Variants in CAST observed in about 807,000 individuals in gnomAD.
CAST encodes the protein calpastatin.
In CAST, 76 loss-of-function variants were observed where a neutral mutation model predicts 119.6. The ratio of observed to expected loss-of-function variants is 0.64; its 90% CI spans 0.53 to 0.77. The LOEUF (loss-of-function observed/expected upper bound fraction) is 0.77, where lower values mean the gene tolerates loss of function less well. Among genes scored for constraint, CAST ranks in the 30% least tolerant of loss-of-function variants. The probability of loss-of-function intolerance (pLI) is 0.00; values close to 1 mark genes in which losing one functional copy is unlikely to be tolerated. For synonymous variants in CAST, 319 were observed against 331.6 expected (o/e 0.96, Z 0.41); for missense variants, 953 against 946.5 (o/e 1.01, Z -0.09).
chr5:96,608,561 G>A (rs1002144285), intron 1 of CAST, among the ~76,000 whole-genome samples: 3 of 151,638 alleles, frequency 2.0e-5, no homozygotes, highest in South Asian at 2.1e-4. Flanking sequence ...TGAAGAGAAA[G>A]TTCTCATGCA....
intron 2 of CAST, among the ~76,000 whole-genome samples, chr5:96,694,800 A>C (rs1034570395): frequency 6.6e-6 from 1 of 152,186 alleles, no homozygotes; most frequent in Non-Finnish European, 1.5e-5. Context: ...TCTCAATTAA[A>C]ATAGTTACAT....
the CAST span, among the ~76,000 whole-genome samples, chr5:96,052,714 G>C: frequency 6.6e-6 from 1 of 152,182 alleles, no homozygotes; most frequent in Non-Finnish European, 1.5e-5. Context: ...ACATATTTCT[G>C]TTCCATTATT....
At chr5:96,618,869 G>T (rs1361644718) in intron 1 of CAST, among the ~76,000 whole-genome samples, 3 of 152,244 alleles carry the variant, frequency 2.0e-5, no homozygotes, top group African/African-American at 7.2e-5. Flanking sequence ...GGACTGGCAG[G>T]CAGCTCTGCC....
At chr5:96,079,368 C>G in the CAST span, among the ~76,000 whole-genome samples, 47 of 152,110 alleles carry the variant, frequency 3.1e-4, no homozygotes, top group Non-Finnish European at 6.3e-4. Context: ...GAAGGCTAGT[C>G]TTTTTAAAGA....
chr5:96,537,794 C>CCAGT (rs1398226333), intron 1 of CAST, among the ~76,000 whole-genome samples: 1 of 152,134 alleles, frequency 6.6e-6, no homozygotes, highest in Non-Finnish European at 1.5e-5. Flanking sequence ...TTTCCCAAGA[C>CCAGT]CAGTCTCAGC....
chr5:96,528,784 T>A (rs577734094), upstream of CAST, among the ~76,000 whole-genome samples: 5 of 152,378 alleles, frequency 3.3e-5, no homozygotes, highest in South Asian at 1.0e-3. Flanking sequence ...TACCAGGAGA[T>A]AATAGAAGGC....
the CAST span, among the ~76,000 whole-genome samples, chr5:96,320,518 G>A: frequency 1.3e-5 from 2 of 152,106 alleles, no homozygotes; most frequent in East Asian, 1.9e-4. Context: ...GATTACAGGC[G>A]TGAGTCACCG....
the CAST span, among the ~76,000 whole-genome samples, chr5:96,289,578 C>T: frequency 6.6e-6 from 1 of 152,156 alleles, no homozygotes; most frequent in African/African-American, 2.4e-5. Context: ...TCCTCCTTGC[C>T]TTCTGCCATG....
chr5:96,215,732 G>A, the CAST span, among the ~76,000 whole-genome samples: 15 of 152,208 alleles, frequency 9.9e-5, no homozygotes, highest in African/African-American at 3.1e-4. Context: ...GCATGAAGAT[G>A]ATGAGGATGA....
the CAST span, among the ~76,000 whole-genome samples, chr5:96,277,367 GT>G: frequency 6.6e-6 from 1 of 150,680 alleles, no homozygotes; most frequent in East Asian, 1.9e-4. Flanking sequence ...TTTTATATTG[GT>G]TTTTTTTTCC....
chr5:96,202,308 C>G, the CAST span, among the ~76,000 whole-genome samples: 1 of 151,640 alleles, frequency 6.6e-6, no homozygotes, highest in Non-Finnish European at 1.5e-5. Flanking sequence ...CATATTTATC[C>G]CAGTAGCATT....
the CAST span, among the ~76,000 whole-genome samples, chr5:96,456,305 G>T: frequency 6.6e-6 from 1 of 152,072 alleles, no homozygotes; most frequent in African/African-American, 2.4e-5. Context: ...AACTTTGTAG[G>T]GGCCAATATT....
the CAST span, among the ~76,000 whole-genome samples, chr5:96,270,826 A>G: frequency 6.6e-6 from 1 of 152,162 alleles, no homozygotes; most frequent in African/African-American, 2.4e-5. Flanking sequence ...TTACCTATGT[A>G]ACAAACCTGC....
At chr5:96,229,847 A>T in the CAST span, among the ~76,000 whole-genome samples, 1 of 152,158 alleles carries the variant, frequency 6.6e-6, no homozygotes, top group African/African-American at 2.4e-5. Flanking sequence ...TTATTTGATG[A>T]AGTTACTTTG....
At chr5:96,401,053 A>G in the CAST span, among the ~76,000 whole-genome samples, 2 of 137,460 alleles carry the variant, frequency 1.5e-5, no homozygotes, top group Non-Finnish European at 3.0e-5. Flanking sequence ...TGCCACTGCA[A>G]TCCGGCCTGG....
At chr5:96,524,951 C>T (rs1745575161), upstream of CAST, among the ~76,000 whole-genome samples, 1 of 152,176 alleles carries the variant, frequency 6.6e-6, no homozygotes, top group African/African-American at 2.4e-5. Context: ...TCTGAGGCTC[C>T]AAGACGGAAG....
chr5:96,676,651 G>A (rs1223918824), intron 2 of CAST, among the ~76,000 whole-genome samples: 6 of 151,588 alleles, frequency 4.0e-5, no homozygotes. Flanking sequence ...AAAATACAAA[G>A]TAGAAGTAAA....
rs76138858 is a variant in CAST at position 96,713,989 on chromosome 5, C to G, written c.211-8650C>G. ...ACTCTGTCCAAAAAAACAAAAAAAA[C>G]ACAGTGGTCAGCACAGAATTACTCT... On this transcript the variant is annotated intron_variant, in intron 3 of 31. Transcript: ENST00000675179. Among the ~76,000 whole-genome samples the G allele has an allele frequency of 2.6e-5, 4 of 152,020 alleles. No individual in the cohort carries two copies. In the East Asian group the frequency reaches 7.8e-4, roughly 30 times the overall value.
the CAST span, among the ~76,000 whole-genome samples, chr5:96,175,992 G>A: frequency 6.6e-6 from 1 of 152,190 alleles, no homozygotes; most frequent in Non-Finnish European, 1.5e-5. Context: ...TAGTCCAAGT[G>A]GGTAAGTGCT....
Sources: allele counts gnomAD v4.1 joint callset (sites outside exome capture counted in the v4.1 genomes callset), GRCh38; gene constraint gnomAD v4.1.1; transcripts MANE v1.5; gene names NCBI Gene and HGNC (gene_info 2026-07-23, HGNC 2026-07-21).